FBXL17: variants seen among roughly 807,000 people sequenced by gnomAD.
FBXL17 encodes F-box and leucine rich repeat protein 17, also known as F-box/LRR-repeat protein 17.
Under a neutral mutation model 66.2 loss-of-function variants are expected in FBXL17, and 22 were observed. That is an observed-to-expected ratio of 0.33 (90% CI 0.24 to 0.47). The LOEUF is 0.47. FBXL17 is among the 20% of genes least tolerant of loss of function. The pLI, the probability that FBXL17 is intolerant of heterozygous loss-of-function variation, is 1.00. For synonymous variants in FBXL17, 474 were observed against 400.5 expected, an observed-to-expected ratio of 1.18 and a Z score of -2.19; for missense variants, 878 against 948.2, an observed-to-expected ratio of 0.93 and a Z score of 0.97.
At chr5:107,885,957 A>T (rs1182469129) in intron 7 of FBXL17, among the ~76,000 whole-genome samples, 1 of 152,008 alleles carries the variant, frequency 6.6e-6, no homozygotes, top group Non-Finnish European at 1.5e-5. Context: ...AATAAAAAAA[A>T]AATGTGTAAG....
intron 5 of FBXL17, among the ~76,000 whole-genome samples, chr5:108,198,299 C>T (rs1753760137): frequency 6.6e-6 from 1 of 152,108 alleles, no homozygotes; most frequent in Non-Finnish European, 1.5e-5. Flanking sequence ...ACATAATTCT[C>T]CCCCAACCCA....
chr5:108,226,413 T>C (rs1755102538), intron 4 of FBXL17, among the ~76,000 whole-genome samples: 1 of 152,244 alleles, frequency 6.6e-6, no homozygotes, highest in Non-Finnish European at 1.5e-5. Flanking sequence ...AGGATATATT[T>C]GTATCATTTT....
chr5:108,189,568 G>A (rs1333808683), intron 5 of FBXL17, among the ~76,000 whole-genome samples: 2 of 152,270 alleles, frequency 1.3e-5, no homozygotes, highest in East Asian at 3.9e-4. Flanking sequence ...AATGGCCTAT[G>A]CTCTATCATA....
chr5:107,967,382 T>A (rs1050117593), intron 7 of FBXL17, among the ~76,000 whole-genome samples: 1 of 151,948 alleles, frequency 6.6e-6, no homozygotes, highest in African/African-American at 2.4e-5. Context: ...TTGACCAATG[T>A]TGACAGCTAA....
chr5:108,221,971 T>G (rs1754884719), intron 5 of FBXL17, among the ~76,000 whole-genome samples: 1 of 152,198 alleles, frequency 6.6e-6, no homozygotes, highest in Admixed American at 6.5e-5. Context: ...GAAAAGGCTC[T>G]GTTGAAGAAC....
chr5:107,970,324 G>GA (rs1191986083), intron 7 of FBXL17, among the ~76,000 whole-genome samples: 1 of 151,794 alleles, frequency 6.6e-6, no homozygotes, highest in Non-Finnish European at 1.5e-5. Flanking sequence ...AGAAACACTT[G>GA]AATTAGATGA....
At chr5:108,055,379 C>A (rs1401940276) in intron 6 of FBXL17, among the ~76,000 whole-genome samples, 1 of 145,084 alleles carries the variant, frequency 6.9e-6, no homozygotes, top group African/African-American at 2.5e-5. Context: ...GAGGCCGAGG[C>A]GGGCGGATCA....
chr5:107,969,424 A>G (rs567376938), intron 7 of FBXL17, among the ~76,000 whole-genome samples: 68 of 152,322 alleles, frequency 4.5e-4, no homozygotes, highest in Non-Finnish European at 7.9e-4. Flanking sequence ...AAACATTTCA[A>G]TTAACCAGAA....
intron 4 of FBXL17, among the ~76,000 whole-genome samples, chr5:108,300,289 G>A (rs1400044839): frequency 6.6e-6 from 1 of 151,874 alleles, no homozygotes; most frequent in Non-Finnish European, 1.5e-5. Flanking sequence ...CTATGTCAAA[G>A]ATCTAAAATG....
chr5:108,161,288 G>A lies in FBXL17; in HGVS notation c.1745+24829C>T, dbSNP rs1163798302. On this transcript the variant is annotated intron_variant, in intron 6 of 8. Transcript: ENST00000542267. ...GCCTGAGCTCAGGAGTTCGACACCA[G>A]CCTCGGCAACACAGTGAAACCCCGT... is the stretch of plus-strand genomic sequence containing the variant. 2.6e-5 allele frequency among the ~76,000 whole-genome samples: 4 copies of A among 152,012 alleles called. No individual in the cohort carries two copies. In the South Asian group the frequency reaches 6.2e-4, roughly 24 times the overall value.
At chr5:108,342,564 A>C (rs537549039) in intron 4 of FBXL17, among the ~76,000 whole-genome samples, 1 of 152,284 alleles carries the variant, frequency 6.6e-6, no homozygotes, top group Non-Finnish European at 1.5e-5. Context: ...TACTTGGTTC[A>C]AACGTGTGTG....
intron 6 of FBXL17, among the ~76,000 whole-genome samples, chr5:108,103,386 TCA>T (rs1310758794): frequency 2.6e-5 from 4 of 152,218 alleles, no homozygotes; most frequent in African/African-American, 7.2e-5. Context: ...ATTAGAAAAT[TCA>T]CAAAGTCAGA....
chr5:107,916,729 T>G (rs1750145953), intron 7 of FBXL17, among the ~76,000 whole-genome samples: 1 of 152,196 alleles, frequency 6.6e-6, no homozygotes, highest in Admixed American at 6.5e-5. Flanking sequence ...GGGCATAAAA[T>G]ATGCTATTTA....
Position 108,224,156 on chromosome 5 carries a change from A to G in FBXL17, c.1579T>C (p.Ser527Pro). The G allele has an allele frequency of 6.2e-7, 1 of 1,611,532 alleles. No homozygotes were observed. Among genetic ancestry groups the G allele is most frequent in the Non-Finnish European group, 8.5e-7 (1 of 1,178,228 alleles). The change falls in exon 5 of 9, where the codon TCA becomes CCA. Residue 527 changes from serine to proline, a missense_variant. Around this residue, in one of 4 missense-constraint regions of FBXL17, gnomAD observed 236 missense variants for 389.1 expected, o/e 0.61. Transcript: ENST00000542267. Reference sequence around the variant, plus strand: ...TGAATGACTCCTTTAGAAGTGACTGAACAACCCATGAAGCCTACATATTGA... The same window carrying G: ...TGAATGACTCCTTTAGAAGTGACTGGACAACCCATGAAGCCTACATATTGA... The part of the protein sequence containing the change: ...ELQYVGFMGC[S>P]VTSKGVIHLT...
intron 1 of FBXL17, among the ~76,000 whole-genome samples, chr5:108,369,544 TATC>T (rs1308975720): frequency 3.3e-5 from 5 of 152,264 alleles, no homozygotes; most frequent in South Asian, 4.1e-4. Context: ...ATCTCTGTAC[TATC>T]ATTGCAATTT....
At chr5:108,046,591 A>G (rs184645083) in intron 6 of FBXL17, among the ~76,000 whole-genome samples, 70 of 152,236 alleles carry the variant, frequency 4.6e-4, no homozygotes, top group African/African-American at 1.6e-3. Context: ...TTTTAAGAGT[A>G]TCTCTTTATA....
Position 107,946,917 on chromosome 5 carries a change from G to T in FBXL17, c.1823-65738C>A, listed in dbSNP as rs1751322968. Among the ~76,000 whole-genome samples the T allele has an allele frequency of 1.3e-5, 2 of 151,992 alleles. 1 individual carries two copies. Among genetic ancestry groups the T allele is most frequent in the South Asian group, 4.2e-4 (2 of 4,816 alleles). ...GGTAGCGCACAGTGACATCTGGAGG[G>T]TGATTTTTTTTTCATATACCTTTTT... On this transcript the variant is annotated intron_variant, in intron 7 of 8. Transcript: ENST00000542267.
At chr5:108,128,344 T>A (rs1750800765) in intron 6 of FBXL17, among the ~76,000 whole-genome samples, 1 of 152,140 alleles carries the variant, frequency 6.6e-6, no homozygotes, top group Non-Finnish European at 1.5e-5. Context: ...TTTCCATCTG[T>A]GATGGAGGCC....
intron 7 of FBXL17, among the ~76,000 whole-genome samples, chr5:107,996,256 A>T (rs183875829): frequency 5.1e-4 from 77 of 152,232 alleles, no homozygotes; most frequent in African/African-American, 1.8e-3. Context: ...ATGTTCCCTG[A>T]TAACATTCCT....
Sources: gnomAD v4.1 joint callset for allele counts (sites outside exome capture counted in the v4.1 genomes callset) on GRCh38, gnomAD v4.1.1 for gene constraint, gnomAD v4.1.1 regional missense constraint, MANE v1.5 for transcripts, NCBI Gene and HGNC (gene_info 2026-07-23, HGNC 2026-07-21) for gene names.